Variants in CHN1 observed in about 807,000 individuals in gnomAD.
CHN1 encodes chimerin 1, also known as N-chimaerin.
In CHN1, 37 loss-of-function variants were observed where a neutral mutation model predicts 59.5. The ratio of observed to expected loss-of-function variants is 0.62; its 90% confidence interval spans 0.48 to 0.82. The LOEUF is 0.82. Among genes scored for constraint, CHN1 ranks in the 40% least tolerant of loss-of-function variants. CHN1 has a pLI of 0.00. For missense variants in CHN1, 469 were observed against 571.0 expected (o/e 0.82, Z 1.82); for synonymous variants, 206 against 200.4 (o/e 1.03, Z -0.24).
intron 6 of CHN1, among the ~76,000 whole-genome samples, chr2:174,873,632 T>C (rs1259599320): frequency 2.0e-5 from 3 of 152,338 alleles, no homozygotes; most frequent in East Asian, 1.9e-4. Flanking sequence ...TATCATTCTG[T>C]GGAGGTATCC....
rs1333644093 is a variant in CHN1 at position 175,004,975 on chromosome 2, CT to C, written c.-64del. 1 of 1,510,100 alleles carries C rather than the reference CT, an allele frequency of 6.6e-7. No homozygotes were observed. Among genetic ancestry groups the C allele is most frequent in the Non-Finnish European group, 8.8e-7 (1 of 1,132,332 alleles). 93.5% of individuals were successfully genotyped at this position (1,510,100 alleles called of 1,614,324 possible). ...TCCTCCCAGGCGGGCTAGGGATCACCTCATCAGCCCGCCGCACCCACACCTC... is the reference window on the plus strand; with the variant it reads ...TCCTCCCAGGCGGGCTAGGGATCACCCATCAGCCCGCCGCACCCACACCTC... On this transcript the variant is annotated 5_prime_UTR_variant, in exon 1 of 13. It removes the in-frame stop codon of an upstream open reading frame in the 5' UTR. Coordinates refer to ENST00000409900, the MANE Select transcript of CHN1 (RefSeq NM_001822.7).
chr2:174,908,488 G>A, intron 5 of CHN1, among the ~76,000 whole-genome samples: 1 of 151,996 alleles, frequency 6.6e-6, no homozygotes, highest in East Asian at 1.9e-4. Context: ...GAAATTCTAG[G>A]CTCTCCTGGC....
intron 3 of CHN1, among the ~76,000 whole-genome samples, chr2:174,919,834 A>C (rs1279414335): frequency 6.6e-6 from 1 of 151,912 alleles, no homozygotes; most frequent in Non-Finnish European, 1.5e-5. Flanking sequence ...ATACATTGTT[A>C]TTAACTATAG....
chr2:174,926,481 C>T (rs529029369), intron 3 of CHN1, among the ~76,000 whole-genome samples: 40 of 152,228 alleles, frequency 2.6e-4, no homozygotes, highest in Non-Finnish European at 8.8e-5. Context: ...AGCAAACCTG[C>T]CTCCCATTTT....
intron 6 of CHN1, among the ~76,000 whole-genome samples, chr2:174,858,979 TACACACACAC>T (rs71407155): frequency 8.4e-5 from 12 of 142,404 alleles, no homozygotes; most frequent in Admixed American, 2.8e-4. Flanking sequence ...TTTCCTCCTC[TACACACACAC>T]ACACACACAC....
chr2:174,975,208 G>T (rs1324700604), intron 1 of CHN1, among the ~76,000 whole-genome samples: 2 of 152,096 alleles, frequency 1.3e-5, no homozygotes, highest in Non-Finnish European at 2.9e-5. Context: ...ATAAATGCAA[G>T]TACTTCCTCT....
intron 3 of CHN1, among the ~76,000 whole-genome samples, chr2:174,933,846 G>A (rs1303105906): frequency 6.6e-6 from 1 of 152,208 alleles, no homozygotes; most frequent in Non-Finnish European, 1.5e-5. Flanking sequence ...TATCACCTAT[G>A]AGGTTAAGCA....
chr2:174,841,915 G>A (rs745952461), intron 7 of CHN1, among the ~76,000 whole-genome samples: 1 of 151,872 alleles, frequency 6.6e-6, no homozygotes, highest in African/African-American at 2.4e-5. Context: ...TCAAATTCCT[G>A]AGCATTTAAA....
intron 8 of CHN1, among the ~76,000 whole-genome samples, chr2:174,820,626 G>C (rs1423378498): frequency 5.3e-5 from 8 of 152,294 alleles, no homozygotes; most frequent in Admixed American, 2.6e-4. Context: ...GCGTGGTTTT[G>C]AATAGCCCGT....
chr2:174,826,488 G>C (rs1685683822), intron 7 of CHN1, among the ~76,000 whole-genome samples: 1 of 152,160 alleles, frequency 6.6e-6, no homozygotes, highest in South Asian at 2.1e-4. Context: ...AGGATAATCA[G>C]TATCATTTAC....
At chr2:174,992,950 C>T (rs2105465073) in intron 1 of CHN1, among the ~76,000 whole-genome samples, 1 of 152,162 alleles carries the variant, frequency 6.6e-6, no homozygotes, top group East Asian at 1.9e-4. Flanking sequence ...GCCACCATGC[C>T]AGCTATTTTT....
intron 3 of CHN1, among the ~76,000 whole-genome samples, chr2:174,922,136 A>C (rs1028718981): frequency 3.9e-5 from 6 of 152,194 alleles, no homozygotes; most frequent in African/African-American, 1.4e-4. Context: ...TAGTTTTAGT[A>C]CAGAGCTTAG....
chr2:174,823,335 A>T (rs1277486954), intron 8 of CHN1, among the ~76,000 whole-genome samples: 1 of 152,222 alleles, frequency 6.6e-6, no homozygotes. Flanking sequence ...GACATTTAAA[A>T]TTTACATGAT....
At chr2:174,895,138 G>A (rs557802722) in intron 5 of CHN1, among the ~76,000 whole-genome samples, 1 of 149,258 alleles carries the variant, frequency 6.7e-6, no homozygotes, top group East Asian at 2.0e-4. Flanking sequence ...CTGCAGATAA[G>A]AGAGGACTAC....
At chr2:174,882,297 G>A (rs886752825) in intron 5 of CHN1, among the ~76,000 whole-genome samples, 6 of 152,088 alleles carry the variant, frequency 3.9e-5, no homozygotes, top group Non-Finnish European at 8.8e-5. Context: ...TCCAGGTTTC[G>A]GGTTTCCTAT....
intron 10 of CHN1, 100 bp from the exon 11 acceptor site, chr2:174,809,142 C>G (rs57776382): frequency 4.5e-6 from 5 of 1,102,018 alleles, no homozygotes; most frequent in African/African-American, 1.6e-5. Context: ...TAAAGATTAG[C>G]AATTCTTCAG....
intron 5 of CHN1, among the ~76,000 whole-genome samples, chr2:174,907,759 T>C (rs1474211740): frequency 6.6e-6 from 1 of 152,024 alleles, no homozygotes; most frequent in Non-Finnish European, 1.5e-5. Flanking sequence ...ATCATTCTTT[T>C]AGACACCTTT....
At chr2:174,891,715 T>C (rs1020061454) in intron 5 of CHN1, among the ~76,000 whole-genome samples, 2 of 151,220 alleles carry the variant, frequency 1.3e-5, no homozygotes, top group East Asian at 1.9e-4. Flanking sequence ...CTCAAGGAAC[T>C]AGGGGAAAAA....
At chr2:175,001,047 T>A (rs1327661709) in intron 1 of CHN1, among the ~76,000 whole-genome samples, 1 of 152,214 alleles carries the variant, frequency 6.6e-6, no homozygotes, top group African/African-American at 2.4e-5. Flanking sequence ...ACCTCCTGAG[T>A]AGCAGGGACT....
Sources: gnomAD v4.1 joint callset for allele counts (sites outside exome capture counted in the v4.1 genomes callset) on GRCh38, gnomAD v4.1.1 for gene constraint, MANE v1.5 for transcripts, NCBI Gene and HGNC (gene_info 2026-07-23, HGNC 2026-07-21) for gene names.